The following GABRG3 variants were observed in gnomAD, a reference collection of about 807,000 sequenced individuals.
The protein encoded by GABRG3 is gamma-aminobutyric acid receptor subunit gamma-3.
Under a neutral mutation model 48.8 loss-of-function variants are expected in GABRG3, and 25 were observed. The observed-to-expected ratio is 0.51, with a 90% CI of 0.37 to 0.72. GABRG3 has a LOEUF of 0.72. GABRG3 is among the 30% of genes least tolerant of loss of function. The probability of loss-of-function intolerance (pLI) is 0.00; values close to 1 mark genes in which losing one functional copy is unlikely to be tolerated. For missense variants in GABRG3, 394 were observed against 577.9 expected, an observed-to-expected ratio of 0.68 and a Z score of 3.26; for synonymous variants, 227 against 217.6, an observed-to-expected ratio of 1.04 and a Z score of -0.38.
chr15:27,507,135 CT>C (rs1171106916), intron 6 of GABRG3, among the ~76,000 whole-genome samples: 1 of 152,074 alleles, frequency 6.6e-6, no homozygotes, highest in East Asian at 1.9e-4. Context: ...TTCTAGTTAT[CT>C]TTCTGTTACT....
chr15:27,463,592 C>T (rs1377546350), intron 5 of GABRG3, among the ~76,000 whole-genome samples: 2 of 152,154 alleles, frequency 1.3e-5, no homozygotes, highest in African/African-American at 2.4e-5. Flanking sequence ...TGAAACCATG[C>T]TGTGTGACCA....
At chr15:27,189,089 C>A (rs936721835) in intron 3 of GABRG3, among the ~76,000 whole-genome samples, 27 of 152,064 alleles carry the variant, frequency 1.8e-4, no homozygotes, top group Admixed American at 7.2e-4. Context: ...TGATCTATAT[C>A]TCTGTTTTGG....
chr15:27,006,526 A>G (rs1895588383), intron 2 of GABRG3, among the ~76,000 whole-genome samples: 1 of 152,262 alleles, frequency 6.6e-6, no homozygotes, highest in Non-Finnish European at 1.5e-5. Context: ...TTTTAGCTTC[A>G]GGGGTACAGA....
In GABRG3 at chr15:27,290,269, G is replaced by A. The variant is rs144555963; in HGVS notation, c.271-36540G>A. ...AAGATTGAATAAGACATTAGAAGAA[G>A]CAAATCTTATATACAGAAAAATTTC... On this transcript the variant is annotated intron_variant, in intron 3 of 9. Coordinates refer to ENST00000615808, the MANE Select transcript of GABRG3 (RefSeq NM_033223.5). 3.9e-5 allele frequency among the ~76,000 whole-genome samples: 6 copies of A among 152,054 alleles called. No individual in the cohort carries two copies. In the East Asian group the frequency reaches 1.2e-3, roughly 29 times the overall value.
At chr15:27,234,886 C>T (rs1381101015) in intron 3 of GABRG3, among the ~76,000 whole-genome samples, 1 of 152,048 alleles carries the variant, frequency 6.6e-6, no homozygotes, top group Non-Finnish European at 1.5e-5. Context: ...CACCTGGGCT[C>T]CTGCAGCAGC....
intron 5 of GABRG3, among the ~76,000 whole-genome samples, chr15:27,467,011 A>G (rs1020725017): frequency 5.9e-5 from 9 of 152,226 alleles, no homozygotes; most frequent in Non-Finnish European, 5.9e-5. Context: ...TGCATTTAAT[A>G]TAGCATCTTA....
At chr15:27,057,420 T>C (rs1362848996) in intron 3 of GABRG3, among the ~76,000 whole-genome samples, 1 of 152,216 alleles carries the variant, frequency 6.6e-6, no homozygotes, top group East Asian at 1.9e-4. Flanking sequence ...CTCTGATTTT[T>C]AGGAGAAAAT....
chr15:27,054,858 A>G (rs1228580221), intron 3 of GABRG3, among the ~76,000 whole-genome samples: 1 of 152,108 alleles, frequency 6.6e-6, no homozygotes, highest in Non-Finnish European at 1.5e-5. Flanking sequence ...ATTAAGATCG[A>G]CTACAAAAGT....
chr15:27,342,731 T>G (rs1001115141), intron 5 of GABRG3, among the ~76,000 whole-genome samples: 1 of 152,230 alleles, frequency 6.6e-6, no homozygotes, highest in Non-Finnish European at 1.5e-5. Context: ...CTTTCCCCTG[T>G]GCTTTGTCTT....
intron 6 of GABRG3, among the ~76,000 whole-genome samples, chr15:27,512,765 G>A (rs1349447917): frequency 6.6e-6 from 1 of 152,180 alleles, no homozygotes; most frequent in Admixed American, 6.5e-5. Context: ...GCCCAGGGGA[G>A]TAGATGGCCA....
intron 1 of GABRG3, among the ~76,000 whole-genome samples, chr15:26,973,701 C>A (rs1054437998): frequency 6.6e-6 from 1 of 152,154 alleles, no homozygotes; most frequent in Non-Finnish European, 1.5e-5. Flanking sequence ...CTTGGTGATG[C>A]CTTAACTGCT....
At chr15:27,001,980 A>T (rs995531218) in intron 2 of GABRG3, among the ~76,000 whole-genome samples, 3 of 150,590 alleles carry the variant, frequency 2.0e-5, no homozygotes, top group African/African-American at 7.3e-5. Flanking sequence ...TAGTGTGATA[A>T]CTACTGTATG....
intron 3 of GABRG3, among the ~76,000 whole-genome samples, chr15:27,117,572 A>G (rs1019236523): frequency 3.3e-5 from 5 of 152,212 alleles, no homozygotes; most frequent in African/African-American, 1.2e-4. Context: ...CAAAAACGTC[A>G]TAGAAAATGA....
intron 3 of GABRG3, among the ~76,000 whole-genome samples, chr15:27,314,074 AAAAG>A (rs960836340): frequency 2.9e-4 from 44 of 152,254 alleles, no homozygotes; most frequent in African/African-American, 1.0e-3. Context: ...CTAGACTAAG[AAAAG>A]AAAGAAAAAA....
chr15:27,109,001 G>A (rs573138448), intron 3 of GABRG3, among the ~76,000 whole-genome samples: 186 of 152,018 alleles, frequency 1.2e-3, no homozygotes, highest in African/African-American at 4.2e-3. Flanking sequence ...TCTTAGCTTC[G>A]TTTCTCTTTT....
At chr15:27,005,290 T>C (rs989666237) in intron 2 of GABRG3, among the ~76,000 whole-genome samples, 2 of 152,074 alleles carry the variant, frequency 1.3e-5, no homozygotes, top group African/African-American at 4.8e-5. Context: ...AACCTCCGCC[T>C]CCCGGGTTCA....
chr15:27,516,444 G>T (rs564997269), intron 6 of GABRG3, among the ~76,000 whole-genome samples: 1 of 152,154 alleles, frequency 6.6e-6, no homozygotes, highest in Non-Finnish European at 1.5e-5. Context: ...TTCTTCTGGG[G>T]ATAAAGCCCC....
At chr15:27,078,271 C>A (rs1896940858) in intron 3 of GABRG3, among the ~76,000 whole-genome samples, 1 of 152,174 alleles carries the variant, frequency 6.6e-6, no homozygotes, top group Non-Finnish European at 1.5e-5. Flanking sequence ...CACTGTCAGT[C>A]AGTCAGTCAG....
chr15:27,210,733 G>A (rs896783437), intron 3 of GABRG3, among the ~76,000 whole-genome samples: 3 of 152,332 alleles, frequency 2.0e-5, no homozygotes, highest in East Asian at 1.9e-4. Flanking sequence ...TGTTCCCACA[G>A]CTCTGAAAAG....
Sources: allele counts gnomAD v4.1 joint callset (sites outside exome capture counted in the v4.1 genomes callset), GRCh38; gene constraint gnomAD v4.1.1; transcripts MANE v1.5; gene names NCBI Gene and HGNC (gene_info 2026-07-23, HGNC 2026-07-21).